The following FAM133A variants were observed in gnomAD, a reference collection of about 807,000 sequenced individuals.
FAM133A encodes family with sequence similarity 133 member A.
For missense variants in FAM133A, 159 were observed against 164.4 expected, an observed-to-expected ratio of 0.97 and a Z score of 0.18; for synonymous variants, 65 against 58.6, an observed-to-expected ratio of 1.11 and a Z score of -0.50.
chrX:93,686,454 A>C (rs776330838), intron 2 of FAM133A, among the ~76,000 whole-genome samples: 65 of 112,225 alleles, frequency 5.8e-4, no homozygotes, highest in African/African-American at 2.0e-3. Flanking sequence ...TTTTAGTTAC[A>C]AGCAACAGAA....
At chrX:93,692,874 T>C (rs1246417966) in intron 2 of FAM133A, among the ~76,000 whole-genome samples, 2 of 111,585 alleles carry the variant, frequency 1.8e-5, no homozygotes, top group East Asian at 5.6e-4. Context: ...ATAAATATTG[T>C]TTGAATGAAT....
At chrX:93,695,339 C>G (rs1049407475) in intron 2 of FAM133A, among the ~76,000 whole-genome samples, 1 of 111,125 alleles carries the variant, frequency 9.0e-6, no homozygotes, top group African/African-American at 3.3e-5. Flanking sequence ...CTGCAACCTC[C>G]GCCTCCTGGA....
rs376335726 is a variant in FAM133A at position 93,679,915 on chromosome X, A to ATTTTTTTTTTTTTT, written c.-193+5193_-193+5206dup. On this transcript the variant is annotated intron_variant, in intron 2 of 3. Transcript: ENST00000683942. ...AGGTGTGTACCACCACTCCTGGCAAATTTTTTTTTTTTTTTTTTTTTTTTT... is the reference window on the plus strand; with the variant it reads ...AGGTGTGTACCACCACTCCTGGCAAATTTTTTTTTTTTTTTTTTTTTTTTTTTTTTTTTTTTTTT... Among the ~76,000 whole-genome samples the ATTTTTTTTTTTTTT allele has an allele frequency of 4.8e-5, 3 of 62,441 alleles. 1 individual carries two copies. The highest frequency in any genetic ancestry group is 1.7e-4 in the African/African-American group (2 of 11,987). 54.2% of individuals were successfully genotyped at this position (62,441 alleles called of 115,157 possible).
chrX:93,704,151 A>G (rs930074268), intron 3 of FAM133A, among the ~76,000 whole-genome samples: 1 of 111,868 alleles, frequency 8.9e-6, no homozygotes, highest in Non-Finnish European at 1.9e-5. Flanking sequence ...AAATTAATAT[A>G]TATGATTAAA....
intron 3 of FAM133A, among the ~76,000 whole-genome samples, chrX:93,703,060 A>G (rs1452928598): frequency 9.1e-6 from 1 of 110,350 alleles, no homozygotes; most frequent in Non-Finnish European, 1.9e-5. Context: ...GTGGTTGCAC[A>G]TGCCTATAGT....
chrX:93,703,519 A>G (rs1350645524), intron 3 of FAM133A, among the ~76,000 whole-genome samples: 1 of 112,354 alleles, frequency 8.9e-6, no homozygotes, highest in East Asian at 2.8e-4. Flanking sequence ...AATTCTCTGT[A>G]CAGTATTTGC....
intron 2 of FAM133A, among the ~76,000 whole-genome samples, chrX:93,678,731 A>G (rs1924898666): frequency 8.9e-6 from 1 of 112,160 alleles, no homozygotes; most frequent in South Asian, 3.7e-4. Context: ...TCTTTTCACC[A>G]CTGATTTGCC....
intron 2 of FAM133A, among the ~76,000 whole-genome samples, chrX:93,679,605 A>T (rs1473358497): frequency 1.8e-5 from 2 of 111,326 alleles, no homozygotes; most frequent in Admixed American, 1.9e-4. Flanking sequence ...TTTGCCATAT[A>T]ACATGAAGTT....
intron 3 of FAM133A, among the ~76,000 whole-genome samples, chrX:93,699,400 T>G (rs1055850719): frequency 6.3e-5 from 7 of 111,183 alleles, no homozygotes; most frequent in Middle Eastern, 4.7e-3. Context: ...TCATCATCAA[T>G]TATTTTTTCT....
rs1569356230 is a variant in FAM133A at position 93,709,992 on chromosome X, A to G, written c.573A>G (p.Ser191=). ...KKSYPDDKPL[S]SESSSESDYE... is the part of the protein sequence containing the mutation. The stretch of plus-strand genomic sequence containing the variant: ...GTTACCCTGATGATAAACCTTTATC[A>G]TCTGAGTCCTCATCTGAATCAGATT... The change falls in exon 4 of 4, where the codon TCA becomes TCG. Residue 191 remains serine, a synonymous_variant. Transcript: ENST00000683942. 2.5e-6 allele frequency: 3 copies of G among 1,196,986 alleles called. No homozygotes were observed. The highest frequency in any genetic ancestry group is 3.4e-6 in the Non-Finnish European group (3 of 890,519).
intron 3 of FAM133A, among the ~76,000 whole-genome samples, chrX:93,704,409 G>T (rs1276462248): frequency 2.7e-5 from 3 of 111,443 alleles, no homozygotes; most frequent in Non-Finnish European, 5.7e-5. Flanking sequence ...TGTGAACAAA[G>T]AACATTAAGG....
intron 2 of FAM133A, among the ~76,000 whole-genome samples, chrX:93,680,332 T>A (rs1187083229): frequency 9.0e-6 from 1 of 111,670 alleles, no homozygotes; most frequent in Non-Finnish European, 1.9e-5. Flanking sequence ...ATTTTCTTTA[T>A]CCATTCATCA....
intron 2 of FAM133A, among the ~76,000 whole-genome samples, chrX:93,682,950 T>G (rs1476790672): frequency 8.9e-6 from 1 of 112,145 alleles, no homozygotes; most frequent in East Asian, 2.8e-4. Flanking sequence ...CAAATAAAAT[T>G]CATTTTTAGC....
At chrX:93,705,977 G>A (rs1927017250) in intron 3 of FAM133A, among the ~76,000 whole-genome samples, 1 of 111,196 alleles carries the variant, frequency 9.0e-6, no homozygotes, top group South Asian at 3.7e-4. Flanking sequence ...TGTACTCTAG[G>A]TCTCTACATT....
intron 2 of FAM133A, among the ~76,000 whole-genome samples, chrX:93,681,283 TTCTG>T (rs1405477546): frequency 1.4e-4 from 9 of 64,028 alleles, no homozygotes; most frequent in African/African-American, 5.2e-4. Context: ...CTTAGATATA[TTCTG>T]TCTATCTATC....
chrX:93,686,532 G>A (rs917623865), intron 2 of FAM133A, among the ~76,000 whole-genome samples: 1 of 112,116 alleles, frequency 8.9e-6, no homozygotes, highest in Admixed American at 9.5e-5. Context: ...CAGAATCAAT[G>A]GGAGGCTAGT....
intron 2 of FAM133A, among the ~76,000 whole-genome samples, chrX:93,696,074 T>A (rs1488230206): frequency 8.9e-6 from 1 of 111,858 alleles, no homozygotes; most frequent in African/African-American, 3.2e-5. Flanking sequence ...ATTTCATGGG[T>A]TTCTGTTAGG....
At chrX:93,705,491 C>T (rs1313786797) in intron 3 of FAM133A, among the ~76,000 whole-genome samples, 1 of 111,701 alleles carries the variant, frequency 9.0e-6, no homozygotes, top group Admixed American at 9.5e-5. Flanking sequence ...TCCAGCAACA[C>T]TTACATGGTG....
intron 3 of FAM133A, among the ~76,000 whole-genome samples, chrX:93,700,812 A>G (rs1403197651): frequency 1.8e-5 from 2 of 111,644 alleles, no homozygotes; most frequent in Non-Finnish European, 3.8e-5. Context: ...CAGCCAGTAT[A>G]TTTACATCAA....
Sources: gnomAD v4.1 joint callset for allele counts (sites outside exome capture counted in the v4.1 genomes callset) on GRCh38, gnomAD v4.1.1 for gene constraint, MANE v1.5 for transcripts, NCBI Gene and HGNC (gene_info 2026-07-23, HGNC 2026-07-21) for gene names.